Variants in IL1RAPL1 observed in about 807,000 individuals in gnomAD.
The protein encoded by IL1RAPL1 is interleukin-1 receptor accessory protein-like 1.
In IL1RAPL1, 3 loss-of-function variants were observed where a neutral mutation model predicts 48.4. The ratio of observed to expected loss-of-function variants is 0.06; its 90% CI spans 0.03 to 0.16. The LOEUF (loss-of-function observed/expected upper bound fraction) is 0.16. Among genes scored for constraint, IL1RAPL1 ranks in the 10% least tolerant of loss-of-function variants. The pLI, the probability that IL1RAPL1 is intolerant of heterozygous loss-of-function variation, is 1.00. For missense variants in IL1RAPL1, 349 were observed against 530.6 expected (o/e 0.66, Z 3.36); for synonymous variants, 185 against 187.7 (o/e 0.99, Z 0.12).
At chrX:28,768,751 CTCTCTA>C (rs1324791848) in intron 1 of IL1RAPL1, among the ~76,000 whole-genome samples, 284 of 63,339 alleles carry the variant, frequency 4.5e-3, no homozygotes, top group African/African-American at 0.017. Context: ...CTCTCTCTCT[CTCTCTA>C]TATATATATA....
chrX:29,921,724 G>A (rs1289685674), intron 8 of IL1RAPL1, among the ~76,000 whole-genome samples: 4 of 111,997 alleles, frequency 3.6e-5, no homozygotes. Context: ...TCTCAAGGAA[G>A]TCCATTTTAT....
intron 6 of IL1RAPL1, among the ~76,000 whole-genome samples, chrX:29,715,547 G>A (rs1927458920): frequency 9.0e-6 from 1 of 111,672 alleles, no homozygotes; most frequent in African/African-American, 3.3e-5. Flanking sequence ...ACCTCAAAGT[G>A]TAACTATCTA....
At chrX:29,329,207 C>G (rs1194547636) in intron 3 of IL1RAPL1, among the ~76,000 whole-genome samples, 1 of 111,120 alleles carries the variant, frequency 9.0e-6, no homozygotes, top group Non-Finnish European at 1.9e-5. Context: ...TACAGAGAAA[C>G]AGTAGTCTCT....
rs770959975 is a variant in IL1RAPL1, at chrX:29,444,730, A to C, written c.703+45422A>C. ...TGCAGTTTATTTTATTAATAATTAT[A>C]ATGATCTCAACGAGAGTCACGAAAC... On this transcript the variant is annotated intron_variant, in intron 5 of 10. Transcript: ENST00000378993. Among the ~76,000 whole-genome samples, 43 of 111,893 alleles carry C rather than the reference A, an allele frequency of 3.8e-4. No individual in the cohort carries two copies. The South Asian group carries it at 0.015, about 39-fold the overall frequency.
chrX:29,293,769 T>C (rs1932406506), intron 3 of IL1RAPL1, among the ~76,000 whole-genome samples: 2 of 111,567 alleles, frequency 1.8e-5, no homozygotes, highest in African/African-American at 6.5e-5. Flanking sequence ...AGGACTTTAT[T>C]GGTGGCTATA....
chrX:29,874,350 C>T (rs1372590657), intron 6 of IL1RAPL1, among the ~76,000 whole-genome samples: 1 of 111,914 alleles, frequency 8.9e-6, no homozygotes, highest in Non-Finnish European at 1.9e-5. Context: ...TAAAGCTATT[C>T]TTCAAAATAA....
At chrX:29,424,238 C>CT (rs1934323553) in intron 5 of IL1RAPL1, among the ~76,000 whole-genome samples, 1 of 109,861 alleles carries the variant, frequency 9.1e-6, no homozygotes, top group South Asian at 3.9e-4. Context: ...GGAAGCTACT[C>CT]TAACTATAAG....
At chrX:29,442,150 T>C (rs1602236795) in intron 5 of IL1RAPL1, among the ~76,000 whole-genome samples, 1 of 111,698 alleles carries the variant, frequency 9.0e-6, no homozygotes. Flanking sequence ...CACTGCCTGA[T>C]TTCAAACTAT....
intron 1 of IL1RAPL1, among the ~76,000 whole-genome samples, chrX:28,648,418 T>G (rs1218544085): frequency 8.9e-6 from 1 of 111,949 alleles, no homozygotes; most frequent in African/African-American, 3.3e-5. Context: ...AAAAGGACAA[T>G]GATGATACAT....
chrX:29,113,799 T>C (rs1252477586), intron 2 of IL1RAPL1, among the ~76,000 whole-genome samples: 1 of 111,497 alleles, frequency 9.0e-6, no homozygotes, highest in African/African-American at 3.3e-5. Context: ...AGGGGGCTTG[T>C]ATGCAGATGA....
At chrX:28,648,427 A>G (rs1934641622) in intron 1 of IL1RAPL1, among the ~76,000 whole-genome samples, 1 of 112,142 alleles carries the variant, frequency 8.9e-6, no homozygotes, top group South Asian at 3.7e-4. Flanking sequence ...ATGATGATAC[A>G]TATGTCATAG....
chrX:29,035,012 G>A (rs766323525), intron 2 of IL1RAPL1, among the ~76,000 whole-genome samples: 10 of 110,720 alleles, frequency 9.0e-5, no homozygotes, highest in Admixed American at 2.9e-4. Flanking sequence ...CTGCCACCAC[G>A]CCCGGCTAAT....
At chrX:29,537,182 C>T (rs780240091) in intron 5 of IL1RAPL1, among the ~76,000 whole-genome samples, 1 of 110,761 alleles carries the variant, frequency 9.0e-6, no homozygotes, top group Non-Finnish European at 1.9e-5. Context: ...TTTACCTGTG[C>T]GAGTACAGAA....
At chrX:28,707,883 T>A (rs2146933420) in intron 1 of IL1RAPL1, among the ~76,000 whole-genome samples, 1 of 112,204 alleles carries the variant, frequency 8.9e-6, no homozygotes, top group African/African-American at 3.2e-5. Flanking sequence ...ATAGAGATTT[T>A]GTAGCACATT....
intron 1 of IL1RAPL1, among the ~76,000 whole-genome samples, chrX:28,715,433 A>G (rs966759618): frequency 7.1e-5 from 8 of 112,158 alleles, no homozygotes; most frequent in African/African-American, 1.3e-4. Flanking sequence ...AAATGCCCAC[A>G]TCAAAAAGTT....
At chrX:29,945,332 A>T (rs1423020966) in intron 9 of IL1RAPL1, among the ~76,000 whole-genome samples, 3 of 112,264 alleles carry the variant, frequency 2.7e-5, no homozygotes, top group Non-Finnish European at 5.6e-5. Context: ...CAAAGAAGAG[A>T]TGGCTATTCA....
At chrX:29,865,251 G>A (rs1032061791) in intron 6 of IL1RAPL1, among the ~76,000 whole-genome samples, 1 of 111,982 alleles carries the variant, frequency 8.9e-6, no homozygotes, top group South Asian at 3.7e-4. Flanking sequence ...AAACAAACAA[G>A]TGGAGAAGAG....
At chrX:28,989,078 A>C (rs1925541709) in intron 2 of IL1RAPL1, among the ~76,000 whole-genome samples, 1 of 112,252 alleles carries the variant, frequency 8.9e-6, no homozygotes, top group Admixed American at 9.5e-5. Context: ...TCTAGGCTTT[A>C]ATCAAGCACT....
intron 2 of IL1RAPL1, among the ~76,000 whole-genome samples, chrX:29,281,410 G>A (rs762269527): frequency 1.5e-3 from 164 of 111,508 alleles, no homozygotes; most frequent in African/African-American, 4.7e-3. Flanking sequence ...GTATGCATGT[G>A]CAGGGAGAGG....
Sources: allele counts gnomAD v4.1 joint callset (sites outside exome capture counted in the v4.1 genomes callset), GRCh38; gene constraint gnomAD v4.1.1; transcripts MANE v1.5; gene names NCBI Gene and HGNC (gene_info 2026-07-23, HGNC 2026-07-21).